Variants in KIF9 observed in about 807,000 individuals in gnomAD.
KIF9 encodes kinesin-like protein KIF9.
Under a neutral mutation model 94.8 loss-of-function variants are expected in KIF9, and 68 were observed. That is an observed-to-expected ratio of 0.72 (90% CI 0.59 to 0.88). The LOEUF is 0.88. KIF9 is among the 40% of genes least tolerant of loss of function. The probability of loss-of-function intolerance (pLI) is 0.00; values close to 1 mark genes in which losing one functional copy is unlikely to be tolerated. For missense variants in KIF9, 882 were observed against 982.5 expected, an observed-to-expected ratio of 0.90 and a Z score of 1.37; for synonymous variants, 343 against 362.1, an observed-to-expected ratio of 0.95 and a Z score of 0.60.
At chr3:47,258,393 G>A (rs866737587) in intron 9 of KIF9, among the ~76,000 whole-genome samples, 2 of 152,176 alleles carry the variant, frequency 1.3e-5, no homozygotes, top group African/African-American at 2.4e-5. Context: ...CTACAGGTGT[G>A]AGCCACTGAA....
Position 47,228,394 on chromosome 3 carries a change from C to A in KIF9, c.*258G>T, listed in dbSNP as rs1698313901. The A allele has an allele frequency of 6.4e-6, 3 of 468,128 alleles. No homozygotes were observed. Among genetic ancestry groups the A allele is most frequent in the Non-Finnish European group, 1.2e-5 (3 of 258,446 alleles). The allele number at this position is 468,128 out of a possible 1,614,324, so 29.0% of individuals were successfully genotyped here. A position where few individuals can be genotyped will look rare whatever the true frequency, so the allele number is the denominator to read the frequency against. ...ATAAGACAAAGTTCTCAGATGAGCA[C>A]TGAAAGTCCAAACTAGAAAGTTATT... On this transcript the variant is annotated 3_prime_UTR_variant, in exon 21 of 21. Transcript: ENST00000684063.
intron 9 of KIF9, 106 bp from the exon 10 acceptor site, chr3:47,257,666 T>A (rs1700710894): frequency 1.1e-6 from 1 of 943,678 alleles, no homozygotes; most frequent in Admixed American, 2.0e-5. Context: ...CTCCTTAAGC[T>A]CCCTTGTCAA....
chr3:47,255,427 G>A (rs186507063), intron 10 of KIF9, among the ~76,000 whole-genome samples: 19 of 152,266 alleles, frequency 1.2e-4, no homozygotes, highest in Non-Finnish European at 1.5e-5. Flanking sequence ...ATTCTGTAGT[G>A]ACATAGCGAG....
At chr3:47,231,200 G>A (rs1231005473) in intron 20 of KIF9, among the ~76,000 whole-genome samples, 1 of 152,064 alleles carries the variant, frequency 6.6e-6, no homozygotes, top group South Asian at 2.1e-4. Context: ...AAAAGATAAC[G>A]GTTCCAATAT....
chr3:47,275,517 A>T, intron 2 of KIF9, 27 bp from the exon 3 acceptor site: 1 of 1,573,286 alleles, frequency 6.4e-7, no homozygotes, highest in Non-Finnish European at 8.7e-7. Context: ...AGAAAGAAAA[A>T]AATGTTATTT....
At chr3:47,254,485 C>T (rs532402274) in intron 10 of KIF9, among the ~76,000 whole-genome samples, 197 of 152,140 alleles carry the variant, frequency 1.3e-3, no homozygotes, top group African/African-American at 4.6e-3. Context: ...GTAGCATGTG[C>T]CTGTAATCCC....
At chr3:47,266,584 G>A (rs1010471304) in intron 7 of KIF9, among the ~76,000 whole-genome samples, 1 of 152,202 alleles carries the variant, frequency 6.6e-6, no homozygotes, top group Non-Finnish European at 1.5e-5. Flanking sequence ...GGTCAAGGCT[G>A]CAGTGAGCTG....
Position 47,245,522 on chromosome 3 carries a change from A to G in KIF9, c.1290-11T>C. 10 of 1,605,736 alleles carry G rather than the reference A, an allele frequency of 6.2e-6. No individual in the cohort carries two copies. Among genetic ancestry groups the G allele is most frequent in the Non-Finnish European group, 8.5e-6 (10 of 1,173,016 alleles). On this transcript the variant is annotated splice_polypyrimidine_tract_variant and intron_variant, in intron 13 of 20. Coordinates refer to ENST00000684063, the MANE Select transcript of KIF9 (RefSeq NM_182902.4). ...TCCTGTTCCTGTTGGCTTGGGAGAC[A>G]GCAAGAGAGAACAGCTTGTACCTGG...
intron 20 of KIF9, among the ~76,000 whole-genome samples, chr3:47,230,419 A>T (rs903334735): frequency 1.3e-5 from 2 of 152,124 alleles, no homozygotes; most frequent in South Asian, 2.1e-4. Context: ...CTCTATTTTT[A>T]AAAAATTGTT....
chr3:47,256,683 A>G (rs942392358), intron 10 of KIF9, among the ~76,000 whole-genome samples: 24 of 152,180 alleles, frequency 1.6e-4, no homozygotes, highest in Non-Finnish European at 3.1e-4. Flanking sequence ...TGACAGTGGC[A>G]GTTTTGTGGA....
rs372501111 is a variant in KIF9, at chr3:47,246,258, G to C, written c.1234-6C>G. 33 of 1,610,452 alleles carry C rather than the reference G, an allele frequency of 2.0e-5. No individual in the cohort carries two copies. The highest frequency in any genetic ancestry group is 2.8e-5 in the Non-Finnish European group (33 of 1,178,178). On this transcript the variant is annotated splice_region_variant and splice_polypyrimidine_tract_variant and intron_variant, in intron 12 of 20. Transcript: ENST00000684063. The stretch of plus-strand genomic sequence containing the variant: ...ATCTGTCTAAGGCTGATTATCTGGA[G>C]GGAAGACAGCAAGGCAGAGGTTAGA...
chr3:47,235,234 G>A (rs1374809149), intron 20 of KIF9, among the ~76,000 whole-genome samples: 3 of 152,206 alleles, frequency 2.0e-5, no homozygotes, highest in South Asian at 2.1e-4. Context: ...TCCCTGACAG[G>A]TGGAAGCCTC....
chr3:47,258,004 C>T (rs1006024415), intron 9 of KIF9, among the ~76,000 whole-genome samples: 2 of 152,180 alleles, frequency 1.3e-5, no homozygotes, highest in Admixed American at 1.3e-4. Context: ...TGAAACGTTT[C>T]TGCCCCTTCC....
intron 18 of KIF9, 115 bp downstream of exon 18, chr3:47,236,328 C>T: frequency 1.6e-6 from 2 of 1,231,086 alleles, no homozygotes; most frequent in Non-Finnish European, 2.3e-6. Flanking sequence ...AGCCCCTGCC[C>T]AGCCCCTGGC....
intron 10 of KIF9, among the ~76,000 whole-genome samples, chr3:47,256,943 A>C (rs1266685589): frequency 6.6e-6 from 1 of 152,138 alleles, no homozygotes; most frequent in Non-Finnish European, 1.5e-5. Context: ...GCTTGAAGGC[A>C]GCATGCTCTT....
intron 20 of KIF9, among the ~76,000 whole-genome samples, chr3:47,231,081 C>T (rs1351860425): frequency 1.3e-5 from 2 of 151,762 alleles, no homozygotes; most frequent in Non-Finnish European, 2.9e-5. Context: ...AAATGAGGAG[C>T]TGGAAGAAAC....
intron 9 of KIF9, among the ~76,000 whole-genome samples, chr3:47,259,002 C>CAGCG (rs1700792196): frequency 1.3e-5 from 2 of 152,174 alleles, no homozygotes; most frequent in South Asian, 4.1e-4. Context: ...AGCCCCTGAG[C>CAGCG]AGCGTCTGCT....
In KIF9 at chr3:47,264,165, T is replaced by G. The variant is rs569144485; in HGVS notation, c.981+121A>C. On this transcript the variant is annotated intron_variant, in intron 9 of 20. Coordinates refer to ENST00000684063, the MANE Select transcript of KIF9 (RefSeq NM_182902.4). ...ACTGTGGCTCAGACTCACCCCTGGA[T>G]CCTTCCACTCTTGACAATGTCTATG... The G allele has an allele frequency of 2.6e-5, 20 of 770,630 alleles. No individual in the cohort carries two copies. The South Asian group carries it at 2.7e-4, about 10-fold the overall frequency. 47.7% of individuals were successfully genotyped at this position (770,630 alleles called of 1,614,324 possible).
At chr3:47,233,420 G>A (rs1241918227) in intron 20 of KIF9, among the ~76,000 whole-genome samples, 1 of 150,272 alleles carries the variant, frequency 6.7e-6, no homozygotes, top group African/African-American at 2.5e-5. Context: ...AACCGGCCAG[G>A]TACAATGGCT....
Sources: gnomAD v4.1 joint callset for allele counts (sites outside exome capture counted in the v4.1 genomes callset) on GRCh38, gnomAD v4.1.1 for gene constraint, MANE v1.5 for transcripts, NCBI Gene and HGNC (gene_info 2026-07-23, HGNC 2026-07-21) for gene names.